Variants in PTPRD observed in about 807,000 individuals in gnomAD.
PTPRD encodes protein tyrosine phosphatase receptor type D.
Under a neutral mutation model 214.5 loss-of-function variants are expected in PTPRD, and 34 were observed. That is an observed-to-expected ratio of 0.16 (90% confidence interval 0.12 to 0.21). The LOEUF (loss-of-function observed/expected upper bound fraction) is 0.21, where lower values mean the gene tolerates loss of function less well. Among genes scored for constraint, PTPRD ranks in the 10% least tolerant of loss-of-function variants. The pLI is 1.00. For synonymous variants in PTPRD, 1,128 were observed against 845.7 expected (o/e 1.33, Z -5.79); for missense variants, 2,545 against 2,398.7 (o/e 1.06, Z -1.27).
chr9:9,071,697 A>C (rs897472029), intron 10 of PTPRD, among the ~76,000 whole-genome samples: 1 of 152,232 alleles, frequency 6.6e-6, no homozygotes, highest in African/African-American at 2.4e-5. Context: ...CCTACAGATG[A>C]AAATGCAACC....
intron 3 of PTPRD, among the ~76,000 whole-genome samples, chr9:10,237,556 TC>T (rs1344303931): frequency 1.3e-5 from 2 of 151,954 alleles, no homozygotes; most frequent in Non-Finnish European, 2.9e-5. Flanking sequence ...TTAAGATTTC[TC>T]ACTACTCAAA....
intron 12 of PTPRD, among the ~76,000 whole-genome samples, chr9:8,717,032 G>A (rs1403046274): frequency 6.6e-6 from 1 of 152,146 alleles, no homozygotes; most frequent in Non-Finnish European, 1.5e-5. Flanking sequence ...ACCAGGCATG[G>A]TGGCATGTGC....
intron 11 of PTPRD, among the ~76,000 whole-genome samples, chr9:8,951,885 C>T (rs1276939229): frequency 1.3e-5 from 2 of 151,986 alleles, no homozygotes; most frequent in Admixed American, 6.6e-5. Flanking sequence ...TTCTCCAGTG[C>T]GTTTCTAAAC....
At chr9:9,380,478 T>G (rs2061899599) in intron 9 of PTPRD, among the ~76,000 whole-genome samples, 1 of 152,134 alleles carries the variant, frequency 6.6e-6, no homozygotes, top group Admixed American at 6.6e-5. Context: ...ATGGATCTCC[T>G]CATATTTTAG....
chr9:10,284,891 T>C (rs1443571429), intron 3 of PTPRD, among the ~76,000 whole-genome samples: 2 of 152,288 alleles, frequency 1.3e-5, no homozygotes, highest in East Asian at 3.9e-4. Context: ...GGAATTGAGA[T>C]TCATCTTAGA....
intron 8 of PTPRD, among the ~76,000 whole-genome samples, chr9:9,512,711 G>A (rs1330476858): frequency 1.3e-5 from 2 of 151,198 alleles, no homozygotes; most frequent in East Asian, 3.9e-4. Flanking sequence ...TCTAACCCTG[G>A]GGACTATACA....
chr9:8,669,869 G>A (rs528726081), intron 12 of PTPRD, among the ~76,000 whole-genome samples: 1 of 152,146 alleles, frequency 6.6e-6, no homozygotes, highest in African/African-American at 2.4e-5. Flanking sequence ...AGTACTGTAG[G>A]AAGGAGGAGT....
At chr9:8,811,363 C>A (rs1318714095) in intron 11 of PTPRD, among the ~76,000 whole-genome samples, 3 of 152,098 alleles carry the variant, frequency 2.0e-5, no homozygotes, top group African/African-American at 7.2e-5. Context: ...GCTATGAGCA[C>A]AACCTGTTTA....
intron 2 of PTPRD, among the ~76,000 whole-genome samples, chr9:10,541,015 T>A (rs1046968084): frequency 6.6e-6 from 1 of 152,066 alleles, no homozygotes; most frequent in African/African-American, 2.4e-5. Flanking sequence ...TAAAATTGAA[T>A]CAAGTAAAAA....
intron 14 of PTPRD, among the ~76,000 whole-genome samples, chr9:8,585,751 T>C (rs1487599930): frequency 6.6e-6 from 1 of 152,228 alleles, no homozygotes; most frequent in Admixed American, 6.5e-5. Context: ...TACAATTGCA[T>C]TGAAAAAATG....
intron 11 of PTPRD, among the ~76,000 whole-genome samples, chr9:8,852,640 A>T (rs2097843160): frequency 6.6e-6 from 1 of 152,190 alleles, no homozygotes; most frequent in African/African-American, 2.4e-5. Context: ...TAGCTTACAG[A>T]CAGAATGAGC....
intron 8 of PTPRD, among the ~76,000 whole-genome samples, chr9:9,423,407 C>A (rs1202024126): frequency 1.3e-5 from 2 of 152,144 alleles, no homozygotes; most frequent in African/African-American, 4.8e-5. Flanking sequence ...CTGAATCAGC[C>A]AGCCTCTTGA....
intron 26 of PTPRD, among the ~76,000 whole-genome samples, chr9:8,494,899 G>A (rs896949267): frequency 3.9e-5 from 6 of 152,028 alleles, no homozygotes; most frequent in Non-Finnish European, 7.4e-5. Flanking sequence ...GAGGTGATGT[G>A]CCTGATATTA....
At chr9:9,235,615 G>GGACACCTGA in intron 9 of PTPRD, among the ~76,000 whole-genome samples, 1 of 152,042 alleles carries the variant, frequency 6.6e-6, no homozygotes, top group African/African-American at 2.4e-5. Context: ...GTCCAATAAG[G>GGACACCTGA]GACACCTGAG....
chr9:9,493,643 C>T (rs1416398924), intron 8 of PTPRD, among the ~76,000 whole-genome samples: 3 of 151,586 alleles, frequency 2.0e-5, no homozygotes, highest in African/African-American at 7.3e-5. Flanking sequence ...AAAAAATTAG[C>T]CGGGTGTGGT....
At chr9:8,583,122 T>G (rs954881119) in intron 14 of PTPRD, among the ~76,000 whole-genome samples, 7 of 151,906 alleles carry the variant, frequency 4.6e-5, no homozygotes, top group African/African-American at 1.5e-4. Flanking sequence ...TCATAAAGAG[T>G]GCACCACCTA....
chr9:9,408,037 A>T (rs976685790), intron 8 of PTPRD, among the ~76,000 whole-genome samples: 3 of 151,762 alleles, frequency 2.0e-5, no homozygotes, highest in Non-Finnish European at 4.4e-5. Context: ...GTACAGCTAA[A>T]CTGGTTAATT....
chr9:9,192,289 C>CA (rs201057345), intron 9 of PTPRD, among the ~76,000 whole-genome samples: 260 of 151,510 alleles, frequency 1.7e-3, no homozygotes, highest in South Asian at 3.5e-3. Flanking sequence ...AGTTCTCACA[C>CA]AAAAAAAATA....
chr9:9,653,468 AT>A (rs1217633311), intron 7 of PTPRD, among the ~76,000 whole-genome samples: 4 of 150,354 alleles, frequency 2.7e-5, no homozygotes, highest in African/African-American at 9.7e-5. Context: ...AAATGAATAT[AT>A]TTTTTTCAAA....
Sources: gnomAD v4.1 joint callset for allele counts (sites outside exome capture counted in the v4.1 genomes callset) on GRCh38, gnomAD v4.1.1 for gene constraint, MANE v1.5 for transcripts, NCBI Gene and HGNC (gene_info 2026-07-23, HGNC 2026-07-21) for gene names.